DNAH5: variants seen among roughly 807,000 people sequenced by gnomAD.
The protein encoded by DNAH5 is dynein axonemal heavy chain 5.
DNAH5 carries 372 observed loss-of-function variants against 518.2 expected under a neutral mutation model. That is an observed-to-expected ratio of 0.72 (90% CI 0.66 to 0.78). The LOEUF is 0.78. Ranked by LOEUF, DNAH5 falls within the 30% of genes least tolerant of loss-of-function variation. The pLI is 0.00. For missense variants in DNAH5, 5,523 were observed against 5,687.0 expected (o/e 0.97, Z 0.93); for synonymous variants, 2,039 against 2,025.9 (o/e 1.01, Z -0.17).
chr5:13,733,516 T>C (rs536566345), intron 68 of DNAH5, among the ~76,000 whole-genome samples: 1 of 152,308 alleles, frequency 6.6e-6, no homozygotes, highest in African/African-American at 2.4e-5. Context: ...CATCTACACA[T>C]CTTTCTCTCC....
At chr5:13,939,646 C>T (rs1377355436) in intron 1 of DNAH5, among the ~76,000 whole-genome samples, 1 of 152,134 alleles carries the variant, frequency 6.6e-6, no homozygotes, top group Non-Finnish European at 1.5e-5. Flanking sequence ...TGCTTCCCAG[C>T]CCAGCCTAAC....
At chr5:13,899,692 G>A (rs1774330700) in intron 15 of DNAH5, 2 of 160,170 alleles carry the variant, frequency 1.2e-5, no homozygotes, top group South Asian at 1.8e-4. Flanking sequence ...GCATTCTACG[G>A]CACCCCTGCT....
chr5:13,745,933 G>T (rs1749265712), intron 65 of DNAH5, among the ~76,000 whole-genome samples: 1 of 151,936 alleles, frequency 6.6e-6, no homozygotes, highest in East Asian at 1.9e-4. Context: ...GAATAATTTG[G>T]ACTGTATTTT....
At chr5:13,885,267 AGATG>A (rs751409907) in intron 18 of DNAH5, 39 bp from the exon 19 acceptor site, 3 of 1,610,106 alleles carry the variant, frequency 1.9e-6, no homozygotes, top group East Asian at 2.2e-5. Flanking sequence ...GAGATAAGTT[AGATG>A]GATGGATGGA....
Position 13,914,600 on chromosome 5 carries a change from T to C in DNAH5, c.1240A>G (p.Asn414Asp), listed in dbSNP as rs143391709. ...IISACKAYITNNGTASIWNQP... is the reference protein window; with the variant it reads ...IISACKAYITDNGTASIWNQP... ...TTCCAGATGGAAGCGGTTCCATTAT[T>C]GGTAATATAGGCTTTACATGCAGAT... The change falls in exon 10 of 79, where the codon AAT becomes GAT. Residue 414 changes from asparagine (N) to aspartate (D), a missense_variant. Physicochemically the swap from Asn to Asp is conservative, Grantham distance 23. Coordinates refer to ENST00000265104, the MANE Select transcript of DNAH5 (RefSeq NM_001369.3). 53 of 1,613,240 alleles carry C rather than the reference T, an allele frequency of 3.3e-5. No homozygotes were observed. The highest frequency in any genetic ancestry group is 4.3e-5 in the Non-Finnish European group (51 of 1,179,384).
intron 70 of DNAH5, among the ~76,000 whole-genome samples, chr5:13,725,187 T>C (rs1489196210): frequency 1.3e-5 from 2 of 152,236 alleles, no homozygotes; most frequent in Non-Finnish European, 2.9e-5. Context: ...GAAGGATTTA[T>C]GACTTGCAGG....
intron 1 of DNAH5, among the ~76,000 whole-genome samples, chr5:14,008,127 G>A (rs572496552): frequency 1.9e-4 from 28 of 150,834 alleles, no homozygotes; most frequent in South Asian, 1.5e-3. Flanking sequence ...AGCCGAGATC[G>A]CGCCATTGCA....
rs190987302 is a variant in DNAH5 at position 14,009,719 on chromosome 5, C to T, written c.12+1929G>A. ...CTTTGATCTGCATATGCTCATTTAC[C>T]ACCTTCCACCATACTTCCAGCTTAA... is the stretch of plus-strand genomic sequence containing the variant. On this transcript the variant is annotated intron_variant, in intron 1 of 78. Coordinates refer to the DNAH5 transcript ENST00000681290. Among the ~76,000 whole-genome samples the T allele has an allele frequency of 1.6e-4, 24 of 152,284 alleles. No homozygotes were observed. In the East Asian group the frequency reaches 4.6e-3, roughly 29 times the overall value.
At chr5:13,920,391 A>T (rs1480028279) in intron 6 of DNAH5, 89 bp downstream of exon 6, 1 of 1,561,264 alleles carries the variant, frequency 6.4e-7, no homozygotes, top group Admixed American at 1.7e-5. Flanking sequence ...ACGCTTAACA[A>T]ATGGAATGTC....
chr5:13,930,526 C>T (rs1046148461), intron 2 of DNAH5, among the ~76,000 whole-genome samples: 18 of 152,264 alleles, frequency 1.2e-4, no homozygotes, highest in Non-Finnish European at 2.5e-4. Flanking sequence ...CTTCAGGAAT[C>T]ATCATAGGGC....
intron 1 of DNAH5, among the ~76,000 whole-genome samples, chr5:13,957,947 A>G (rs1780876849): frequency 6.6e-6 from 1 of 151,754 alleles, no homozygotes; most frequent in Non-Finnish European, 1.5e-5. Flanking sequence ...GTTTTCTTAA[A>G]AATAAAATAC....
chr5:13,761,986 T>C (rs1751849073), intron 60 of DNAH5, among the ~76,000 whole-genome samples: 1 of 152,240 alleles, frequency 6.6e-6, no homozygotes, highest in African/African-American at 2.4e-5. Context: ...AAGTAGAATG[T>C]AGTTGATGAT....
chr5:13,997,365 C>T (rs1347006729), intron 1 of DNAH5, among the ~76,000 whole-genome samples: 1 of 152,190 alleles, frequency 6.6e-6, no homozygotes, highest in East Asian at 1.9e-4. Context: ...AAAAACAATT[C>T]AGCCAAATTC....
intron 2 of DNAH5, among the ~76,000 whole-genome samples, chr5:13,929,139 T>C (rs1778172733): frequency 6.6e-6 from 1 of 152,190 alleles, no homozygotes; most frequent in African/African-American, 2.4e-5. Context: ...TACAAGGGAA[T>C]ATAATCCAGC....
chr5:13,879,299 G>A (rs761436857), intron 21 of DNAH5, among the ~76,000 whole-genome samples: 13 of 152,140 alleles, frequency 8.5e-5, no homozygotes, highest in Admixed American at 7.2e-4. Context: ...AAATACAGAT[G>A]CTCCTTGACC....
chr5:13,739,702 G>A (rs766227411), intron 65 of DNAH5, among the ~76,000 whole-genome samples: 4 of 152,012 alleles, frequency 2.6e-5, no homozygotes, highest in African/African-American at 4.8e-5. Context: ...GTTATGATCC[G>A]GTATGCACAC....
intron 29 of DNAH5, 48 bp from the exon 30 acceptor site, chr5:13,859,653 G>A (rs1768110163): frequency 6.4e-7 from 1 of 1,571,212 alleles, no homozygotes; most frequent in Non-Finnish European, 8.8e-7. Flanking sequence ...TTGTTGTGCT[G>A]TTGTTTCAAA....
intron 17 of DNAH5, among the ~76,000 whole-genome samples, chr5:13,888,423 T>A (rs1772723252): frequency 6.6e-6 from 1 of 152,170 alleles, no homozygotes; most frequent in Non-Finnish European, 1.5e-5. Flanking sequence ...TCTCACTCCC[T>A]CCCTTCAAAT....
Position 13,777,325 on chromosome 5 carries a change from A to G in DNAH5, c.8982T>C (p.Asp2994=), listed in dbSNP as rs773014523. ...RSYNTSNLME[D]LKVLYRTAGQ... ...CAGCTGTTCGATACAAAACCTTCAG[A>G]TCTTCCATCAGATTTGATGTGTTGT... Residue 2994 remains aspartate (D), a synonymous_variant, in exon 54 of 79, where the codon GAT becomes GAC. Transcript: ENST00000265104. 1 of 1,613,418 alleles carries G rather than the reference A, an allele frequency of 6.2e-7. No individual in the cohort carries two copies. Among genetic ancestry groups the G allele is most frequent in the Non-Finnish European group, 8.5e-7 (1 of 1,179,606 alleles).
Sources: allele counts gnomAD v4.1 joint callset (sites outside exome capture counted in the v4.1 genomes callset), GRCh38; gene constraint gnomAD v4.1.1; transcripts MANE v1.5; gene names NCBI Gene and HGNC (gene_info 2026-07-23, HGNC 2026-07-21).